CDH12: variants seen among roughly 807,000 people sequenced by gnomAD.
CDH12 encodes cadherin 12.
Under a neutral mutation model 74.1 loss-of-function variants are expected in CDH12, and 41 were observed. The observed-to-expected ratio is 0.55, with a 90% CI of 0.43 to 0.72. The LOEUF (loss-of-function observed/expected upper bound fraction) is 0.72, where lower values mean the gene tolerates loss of function less well. CDH12 is among the 30% of genes least tolerant of loss of function. The pLI, the probability that CDH12 is intolerant of heterozygous loss-of-function variation, is 0.00. For synonymous variants in CDH12, 399 were observed against 355.0 expected, an observed-to-expected ratio of 1.12 and a Z score of -1.39; for missense variants, 945 against 977.2, an observed-to-expected ratio of 0.97 and a Z score of 0.44.
At chr5:22,040,024 ATAATCT>A (rs1739457568) in intron 5 of CDH12, among the ~76,000 whole-genome samples, 2 of 152,194 alleles carry the variant, frequency 1.3e-5, no homozygotes, top group Admixed American at 1.3e-4. Context: ...ATTCAAAATA[ATAATCT>A]TAAGGAATCT....
chr5:21,953,703 C>T (rs1415976212), intron 6 of CDH12, among the ~76,000 whole-genome samples: 16 of 152,274 alleles, frequency 1.1e-4, no homozygotes, highest in Admixed American at 8.5e-4. Flanking sequence ...GGTTGAAAAA[C>T]TTCTGCACTT....
Position 21,793,205 on chromosome 5 carries a change from T to G in CDH12, c.1256+8962A>C, listed in dbSNP as rs182043680. Among the ~76,000 whole-genome samples, 334 of 151,950 alleles carry G rather than the reference T, an allele frequency of 2.2e-3. 2 individuals are homozygous for G. Among genetic ancestry groups the G allele is most frequent in the African/African-American group, 7.7e-3 (318 of 41,556 alleles). ...CTAGACAGCATCTATTTCTTCCTTC[T>G]TACAAAACTGTACCATTTTTTAAAC... On this transcript the variant is annotated intron_variant, in intron 10 of 14. Transcript: ENST00000382254.
chr5:22,164,586 G>A (rs554919967), intron 4 of CDH12, among the ~76,000 whole-genome samples: 4 of 152,286 alleles, frequency 2.6e-5, no homozygotes, highest in African/African-American at 9.6e-5. Flanking sequence ...GAGTGAAATA[G>A]AGTGAAAACA....
intron 1 of CDH12, among the ~76,000 whole-genome samples, chr5:22,698,730 TA>T (rs1742547677): frequency 1.4e-4 from 2 of 14,768 alleles, no homozygotes; most frequent in Non-Finnish European, 1.4e-4. Context: ...TATATATATA[TA>T]TATAGTGTGT....
At position 22,480,410 on chromosome 5, in the gene CDH12, T is replaced by C. The variant is rs1027822023; in HGVS notation, c.-428+24860A>G. Among the ~76,000 whole-genome samples the C allele has an allele frequency of 2.6e-5, 4 of 151,510 alleles. No homozygotes were observed. The East Asian group carries it at 5.9e-4, about 22-fold the overall frequency. On this transcript the variant is annotated intron_variant, in intron 2 of 14. Transcript: ENST00000382254. ...CCATCCTGGGAAACATGGTGAAACT[T>C]TGTCTCTACAAAAAATACAAAAAAT... is the stretch of plus-strand genomic sequence containing the variant.
intron 4 of CDH12, among the ~76,000 whole-genome samples, chr5:22,186,867 A>G (rs1341513811): frequency 6.6e-6 from 1 of 152,212 alleles, no homozygotes; most frequent in Non-Finnish European, 1.5e-5. Flanking sequence ...TCCAATGTGG[A>G]GTAAAATAGC....
At chr5:22,366,579 G>A (rs1382455623) in intron 3 of CDH12, among the ~76,000 whole-genome samples, 3 of 152,072 alleles carry the variant, frequency 2.0e-5, no homozygotes, top group East Asian at 1.9e-4. Flanking sequence ...TTAACCTCTC[G>A]TTTTGAGACT....
intron 1 of CDH12, among the ~76,000 whole-genome samples, chr5:22,772,614 C>T (rs868649923): frequency 1.7e-4 from 26 of 151,868 alleles, no homozygotes; most frequent in African/African-American, 5.6e-4. Context: ...TTTAAATAAA[C>T]AAGTTGCACA....
chr5:22,823,489 C>G (rs556989450), intron 1 of CDH12, among the ~76,000 whole-genome samples: 1 of 152,176 alleles, frequency 6.6e-6, no homozygotes, highest in East Asian at 1.9e-4. Context: ...TGAGGCCTCC[C>G]CAGCCATTTG....
At chr5:22,185,199 CTTT>C (rs10656260) in intron 4 of CDH12, among the ~76,000 whole-genome samples, 2 of 138,104 alleles carry the variant, frequency 1.4e-5, no homozygotes, top group Non-Finnish European at 1.5e-5. Flanking sequence ...CTCTCTCTCT[CTTT>C]TTTTTTTTTT....
In CDH12 at chr5:22,545,803, C is replaced by T. The variant is rs139915477; in HGVS notation, c.-522-40439G>A. Among the ~76,000 whole-genome samples the T allele has an allele frequency of 3.0e-4, 45 of 152,096 alleles. No individual in the cohort carries two copies. In the East Asian group the frequency reaches 3.1e-3, roughly 10 times the overall value. ...TGAATTAATGTATAACTGCTAAGTACAAGGTGAAATCACAGCAAAGTTATC... is the reference window on the plus strand; with the variant it reads ...TGAATTAATGTATAACTGCTAAGTATAAGGTGAAATCACAGCAAAGTTATC... On this transcript the variant is annotated intron_variant, in intron 1 of 14. Coordinates refer to ENST00000382254, the MANE Select transcript of CDH12 (RefSeq NM_004061.5).
intron 1 of CDH12, among the ~76,000 whole-genome samples, chr5:22,757,754 TAAC>T (rs1184555935): frequency 6.6e-6 from 1 of 152,184 alleles, no homozygotes; most frequent in Non-Finnish European, 1.5e-5. Flanking sequence ...CTCCTCTCAA[TAAC>T]AACTTGTATA....
chr5:22,149,476 C>A (rs1747427126), intron 4 of CDH12, among the ~76,000 whole-genome samples: 1 of 152,128 alleles, frequency 6.6e-6, no homozygotes, highest in Admixed American at 6.6e-5. Context: ...CCATCCTTAG[C>A]AAGAATTTTA....
At chr5:21,872,244 A>G (rs1751661590) in intron 6 of CDH12, among the ~76,000 whole-genome samples, 1 of 152,198 alleles carries the variant, frequency 6.6e-6, no homozygotes, top group Non-Finnish European at 1.5e-5. Context: ...AGGCCCCAGA[A>G]GCACTCTAAC....
At chr5:22,223,052 G>A (rs10035999) in intron 3 of CDH12, among the ~76,000 whole-genome samples, 3 of 151,870 alleles carry the variant, frequency 2.0e-5, no homozygotes, top group African/African-American at 7.3e-5. Context: ...GTTCTGAATT[G>A]AAGGTTTACA....
At chr5:21,885,579 T>C (rs899196258) in intron 6 of CDH12, among the ~76,000 whole-genome samples, 6 of 152,228 alleles carry the variant, frequency 3.9e-5, no homozygotes, top group Non-Finnish European at 5.9e-5. Context: ...TAATTTTATA[T>C]TTTCCTATCC....
chr5:21,815,334 G>A (rs1206431849), intron 9 of CDH12, among the ~76,000 whole-genome samples: 1 of 152,040 alleles, frequency 6.6e-6, no homozygotes, highest in East Asian at 1.9e-4. Context: ...TTGTAGAAGG[G>A]GAGGAAATGG....
intron 1 of CDH12, among the ~76,000 whole-genome samples, chr5:22,762,469 A>G (rs1310351968): frequency 6.6e-6 from 1 of 152,116 alleles, no homozygotes; most frequent in African/African-American, 2.4e-5. Context: ...TATTAAAATA[A>G]CACAGGCAAG....
chr5:21,755,628 C>A lies in CDH12; in HGVS notation c.1848G>T (p.Ala616=). ...CAATGCATAGTAGAATTGCAATCAA[C>A]GCCCCAGTGCTAAGTCCTACAGGTA... ...IFLPVGLSTG[A]LIAILLCIVI... is the part of the protein sequence containing the mutation. Residue 616 remains alanine, a synonymous_variant, in exon 14 of 15, where the codon GCG becomes GCT. Transcript: ENST00000382254. The A allele has an allele frequency of 6.2e-7, 1 of 1,613,850 alleles. No homozygotes were observed. Among genetic ancestry groups the A allele is most frequent in the African/African-American group, 1.3e-5 (1 of 75,012 alleles).
Sources: gnomAD v4.1 joint callset for allele counts (sites outside exome capture counted in the v4.1 genomes callset) on GRCh38, gnomAD v4.1.1 for gene constraint, MANE v1.5 for transcripts, NCBI Gene and HGNC (gene_info 2026-07-23, HGNC 2026-07-21) for gene names.